The following ARHGEF10 variants were observed in gnomAD, a reference collection of about 807,000 sequenced individuals.
ARHGEF10 encodes the protein Rho guanine nucleotide exchange factor (GEF) 10.
Under a neutral mutation model 147.4 loss-of-function variants are expected in ARHGEF10, and 140 were observed. The ratio of observed to expected loss-of-function variants is 0.95; its 90% CI spans 0.83 to 1.09. The LOEUF is 1.09. ARHGEF10 is among the 50% of genes least tolerant of loss of function. The pLI, the probability that ARHGEF10 is intolerant of heterozygous loss-of-function variation, is 0.00. For missense variants in ARHGEF10, 2,222 were observed against 1,752.7 expected, an observed-to-expected ratio of 1.27 and a Z score of -4.78; for synonymous variants, 902 against 695.8, an observed-to-expected ratio of 1.30 and a Z score of -4.67.
chr8:1,938,917 A>G (rs1042532336), intron 26 of ARHGEF10, among the ~76,000 whole-genome samples: 1 of 142,668 alleles, frequency 7.0e-6, no homozygotes, highest in Non-Finnish European at 1.5e-5. Flanking sequence ...CCCAGTCCCC[A>G]GAAACCCTGA....
At chr8:1,834,786 C>A (rs749569897) in intron 1 of ARHGEF10, among the ~76,000 whole-genome samples, 6 of 152,204 alleles carry the variant, frequency 3.9e-5, no homozygotes, top group African/African-American at 7.2e-5. Context: ...TGAGTTGGAA[C>A]CTTATGAATG....
At chr8:1,936,216 C>G (rs1813590479) in intron 26 of ARHGEF10, among the ~76,000 whole-genome samples, 1 of 152,190 alleles carries the variant, frequency 6.6e-6, no homozygotes, top group African/African-American at 2.4e-5. Context: ...ACCAACTCAT[C>G]ATTAAAAATT....
At chr8:1,840,618 C>G (rs1028654632) in intron 1 of ARHGEF10, among the ~76,000 whole-genome samples, 7 of 151,878 alleles carry the variant, frequency 4.6e-5, no homozygotes, top group African/African-American at 1.7e-4. Flanking sequence ...GATGTGGAAG[C>G]TGTCTGGTTT....
chr8:1,923,947 CAG>C, intron 21 of ARHGEF10, 73 bp downstream of exon 21: 1 of 1,429,512 alleles, frequency 7.0e-7, no homozygotes, highest in East Asian at 2.3e-5. Flanking sequence ...AGGGTGAGGT[CAG>C]GGTTGAGAAG....
In ARHGEF10 at chr8:1,823,997, G is replaced by T. The variant is rs1376346447; in HGVS notation, c.-164G>T. 1.6e-5 allele frequency: 2 copies of T among 123,672 alleles called. No homozygotes were observed. The highest frequency in any genetic ancestry group is 6.8e-5 in the African/African-American group (2 of 29,442). The allele number at this position is 123,672 out of a possible 1,614,324, so 7.7% of individuals were successfully genotyped here. ...GGACGGGGTCGCGGGGGACGCGGGG[G>T]ACGCGGGGGACGGCGGGGAACGGCG... On this transcript the variant is annotated 5_prime_UTR_variant, in exon 1 of 29. Transcript: ENST00000349830.
At chr8:1,904,219 C>T (rs1368770801) in intron 16 of ARHGEF10, 2 of 152,346 alleles carry the variant, frequency 1.3e-5, no homozygotes, top group East Asian at 1.9e-4. Context: ...TACATTTCAG[C>T]TTGATGCTTA....
intron 1 of ARHGEF10, among the ~76,000 whole-genome samples, chr8:1,834,555 GAGA>G (rs578040082): frequency 7.0e-4 from 107 of 152,292 alleles, no homozygotes; most frequent in African/African-American, 2.5e-3. Flanking sequence ...CCGAGTCTTA[GAGA>G]AGAAGGTCTT....
chr8:1,866,422 G>GACACAC, intron 5 of ARHGEF10, 104 bp from the exon 6 acceptor site: 1 of 781,890 alleles, frequency 1.3e-6, no homozygotes, highest in South Asian at 1.4e-5. Context: ...TATATATTCT[G>GACACAC]ACACACACAC....
chr8:1,826,198 G>C (rs1802759176), intron 1 of ARHGEF10: 1 of 1,431,648 alleles, frequency 7.0e-7, no homozygotes, highest in Non-Finnish European at 9.6e-7. Flanking sequence ...AGTTGGGGGT[G>C]AAGTGAAGTT....
chr8:1,938,084 G>A (rs1813768781), intron 26 of ARHGEF10, among the ~76,000 whole-genome samples: 1 of 152,210 alleles, frequency 6.6e-6, no homozygotes, highest in South Asian at 2.1e-4. Flanking sequence ...GAGCAGATGG[G>A]AAGACATGCC....
At position 1,898,539 on chromosome 8, in the gene ARHGEF10, G is replaced by A. The variant is rs371657213; in HGVS notation, c.1650+14G>A. On this transcript the variant is annotated intron_variant, in intron 15 of 28. Transcript: ENST00000349830. The stretch of plus-strand genomic sequence containing the variant: ...CTCCTGCTCCAGGTAAGTGCTTCAC[G>A]GAGACCTCCTCAAGCTAGTCCTCTG... The A allele has an allele frequency of 6.8e-6, 11 of 1,610,928 alleles. No homozygotes were observed. The highest frequency in any genetic ancestry group is 5.3e-5 in the African/African-American group (4 of 74,866).
intron 27 of ARHGEF10, among the ~76,000 whole-genome samples, chr8:1,949,491 A>G (rs2280823): frequency 0.16 from 24,207 of 152,096 alleles, 1,966 homozygotes; most frequent in East Asian, 0.24. Context: ...GAGCAGTTGC[A>G]GTAGGTTACA....
At chr8:1,856,165 C>A (rs1805537798) in intron 2 of ARHGEF10, among the ~76,000 whole-genome samples, 1 of 152,296 alleles carries the variant, frequency 6.6e-6, no homozygotes, top group East Asian at 1.9e-4. Context: ...GCAGAGTTCA[C>A]CATCCAGAAG....
chr8:1,876,925 G>A (rs747637285), intron 8 of ARHGEF10, among the ~76,000 whole-genome samples, 191 bp downstream of exon 8: 6 of 152,228 alleles, frequency 3.9e-5, no homozygotes, highest in Non-Finnish European at 5.9e-5. Flanking sequence ...TATCGTCATG[G>A]AAAGATGGAG....
At chr8:1,922,254 C>T (rs973572852) in intron 18 of ARHGEF10, among the ~76,000 whole-genome samples, 3 of 150,808 alleles carry the variant, frequency 2.0e-5, no homozygotes, top group African/African-American at 7.3e-5. Flanking sequence ...GAAGACAAAC[C>T]ATTTCTATTC....
chr8:1,837,436 T>C (rs1404564200), intron 1 of ARHGEF10, among the ~76,000 whole-genome samples: 2 of 152,262 alleles, frequency 1.3e-5, no homozygotes, highest in African/African-American at 4.8e-5. Context: ...AGATTATCAG[T>C]GGAAAAATGA....
chr8:1,898,315 A>T, intron 14 of ARHGEF10, 118 bp from the exon 15 acceptor site: 3 of 863,594 alleles, frequency 3.5e-6, no homozygotes, highest in South Asian at 1.4e-5. Context: ...GTAGCTGAAG[A>T]CAAGGTGCAG....
rs755482015 is a variant in ARHGEF10 at position 1,923,521 on chromosome 8, T to C, written c.2313T>C (p.Ile771=). Residue 771 remains isoleucine (I), a synonymous_variant, in exon 20 of 29, where the codon ATT becomes ATC. Transcript: ENST00000349830. ...GGACATCAGGTTTACAAAGGCTTAT[T>C]TTGAAGAAAGAAGATGAAATCAGAG... ...HDWTSGLQRL[I]LKKEDEIRAA... is the part of the protein sequence containing the mutation. 20 of 1,613,952 alleles carry C rather than the reference T, an allele frequency of 1.2e-5. No individual in the cohort carries two copies. In the African/African-American group the frequency reaches 2.7e-4, roughly 22 times the overall value.
intron 26 of ARHGEF10, among the ~76,000 whole-genome samples, chr8:1,934,166 C>T (rs1390993373): frequency 6.6e-6 from 1 of 151,942 alleles, no homozygotes; most frequent in Non-Finnish European, 1.5e-5. Context: ...GAGATCCTGT[C>T]CCTACAAAAA....
Sources: allele counts gnomAD v4.1 joint callset (sites outside exome capture counted in the v4.1 genomes callset), GRCh38; gene constraint gnomAD v4.1.1; transcripts MANE v1.5; gene names NCBI Gene and HGNC (gene_info 2026-07-23, HGNC 2026-07-21).